The following VWC2L variants were observed in gnomAD, a reference collection of about 807,000 sequenced individuals.
VWC2L encodes von Willebrand factor C domain containing 2 like, also known as von Willebrand factor C domain-containing protein 2-like.
VWC2L carries 10 observed loss-of-function variants against 21.6 expected under a neutral mutation model. The ratio of observed to expected loss-of-function variants is 0.46; its 90% CI spans 0.29 to 0.78. VWC2L has a LOEUF of 0.78. VWC2L is among the 30% of genes least tolerant of loss of function. The pLI, the probability that VWC2L is intolerant of heterozygous loss-of-function variation, is 0.10. For missense variants in VWC2L, 209 were observed against 277.1 expected, an observed-to-expected ratio of 0.75 and a Z score of 1.74; for synonymous variants, 96 against 94.3, an observed-to-expected ratio of 1.02 and a Z score of -0.10.
chr2:214,572,748 T>C (rs966811710), intron 3 of VWC2L, among the ~76,000 whole-genome samples: 8 of 152,210 alleles, frequency 5.3e-5, no homozygotes, highest in Non-Finnish European at 1.5e-5. Flanking sequence ...TTGAGACTTC[T>C]GTAGTTACAC....
intron 3 of VWC2L, among the ~76,000 whole-genome samples, chr2:214,465,042 C>G (rs1484559496): frequency 1.3e-5 from 2 of 152,018 alleles, no homozygotes; most frequent in Non-Finnish European, 2.9e-5. Flanking sequence ...CAATGGGCTC[C>G]CCGCTGTCCC....
intron 3 of VWC2L, among the ~76,000 whole-genome samples, chr2:214,509,486 T>C (rs1164412710): frequency 6.6e-6 from 1 of 151,586 alleles, no homozygotes; most frequent in Admixed American, 6.6e-5. Context: ...AATGTGTTCG[T>C]TGATGATATT....
chr2:214,531,799 G>A (rs1384458605), intron 3 of VWC2L, among the ~76,000 whole-genome samples: 5 of 152,098 alleles, frequency 3.3e-5, no homozygotes, highest in African/African-American at 4.8e-5. Flanking sequence ...GAATGCTTGC[G>A]TTTCAGGTTT....
chr2:214,454,476 GTT>G (rs536544758), intron 3 of VWC2L, among the ~76,000 whole-genome samples: 1 of 138,232 alleles, frequency 7.2e-6, no homozygotes. Context: ...TTTTGTGTGG[GTT>G]TTTTTTTTTA....
chr2:214,521,647 G>A (rs1253060536), intron 3 of VWC2L, among the ~76,000 whole-genome samples: 1 of 152,214 alleles, frequency 6.6e-6, no homozygotes, highest in Admixed American at 6.5e-5. Flanking sequence ...GGAGGTAAAT[G>A]TGAGGTTCTC....
At chr2:214,479,247 A>G (rs1221537338) in intron 3 of VWC2L, among the ~76,000 whole-genome samples, 1 of 152,208 alleles carries the variant, frequency 6.6e-6, no homozygotes, top group African/African-American at 2.4e-5. Context: ...AATATCTTTT[A>G]CAGGTATATT....
chr2:214,440,169 T>C (rs1702742785), intron 3 of VWC2L, among the ~76,000 whole-genome samples: 1 of 151,878 alleles, frequency 6.6e-6, no homozygotes, highest in African/African-American at 2.4e-5. Flanking sequence ...CGATTTAGCC[T>C]GAATAAAATA....
intron 3 of VWC2L, among the ~76,000 whole-genome samples, chr2:214,465,686 C>T (rs181268832): frequency 6.6e-6 from 1 of 152,282 alleles, no homozygotes; most frequent in East Asian, 1.9e-4. Context: ...AGCACCAGCA[C>T]TTGCCCAGGA....
chr2:214,553,638 T>C (rs1279704405), intron 3 of VWC2L, among the ~76,000 whole-genome samples: 2 of 152,182 alleles, frequency 1.3e-5, no homozygotes, highest in African/African-American at 4.8e-5. Flanking sequence ...TTGATCAGAC[T>C]TAAAGAACAT....
At chr2:214,540,861 G>C (rs1689616183) in intron 3 of VWC2L, among the ~76,000 whole-genome samples, 1 of 152,170 alleles carries the variant, frequency 6.6e-6, no homozygotes, top group African/African-American at 2.4e-5. Context: ...TCTTTCATCA[G>C]TGACAGAGTC....
chr2:214,480,121 G>A (rs1039492811), intron 3 of VWC2L, among the ~76,000 whole-genome samples: 9 of 152,084 alleles, frequency 5.9e-5, no homozygotes, highest in South Asian at 2.1e-4. Flanking sequence ...CAAATATTAC[G>A]TATACCATTT....
intron 2 of VWC2L, among the ~76,000 whole-genome samples, chr2:214,433,883 G>T (rs181487340): frequency 2.0e-5 from 3 of 152,100 alleles, no homozygotes; most frequent in African/African-American, 7.2e-5. Flanking sequence ...AAGTCAATGG[G>T]TTACATTTGA....
chr2:214,556,663 G>T (rs6435831), intron 3 of VWC2L, among the ~76,000 whole-genome samples: 150,752 of 152,312 alleles, frequency 0.99, 74,627 homozygotes, highest in East Asian at 1. Flanking sequence ...TTATGCACAC[G>T]CTAATTCTGT....
At position 214,414,343 on chromosome 2, in the gene VWC2L, G is replaced by A; in HGVS notation, c.150G>A (p.Gly50=). Residue 50 remains glycine (G), a synonymous_variant, in exon 2 of 4, where the codon GGG becomes GGA. Coordinates refer to ENST00000312504, the MANE Select transcript of VWC2L (RefSeq NM_001080500.4). ...ATCTGATCTTTGATGACTATCGAGGGAAAGGGTGTGTCGATGACAGCGGCT... is the reference window on the plus strand; with the variant it reads ...ATCTGATCTTTGATGACTATCGAGGAAAAGGGTGTGTCGATGACAGCGGCT... The part of the protein sequence containing the change: ...NDNLIFDDYR[G]KGCVDDSGFV... 1 of 1,613,878 alleles carries A rather than the reference G, an allele frequency of 6.2e-7. No homozygotes were observed. The highest frequency in any genetic ancestry group is 8.5e-7 in the Non-Finnish European group (1 of 1,179,834).
At chr2:214,564,951 TC>T (rs1246437122) in intron 3 of VWC2L, among the ~76,000 whole-genome samples, 1 of 152,190 alleles carries the variant, frequency 6.6e-6, no homozygotes, top group South Asian at 2.1e-4. Context: ...TTCTTTGTTT[TC>T]CTTCCATCCT....
At chr2:214,415,365 T>A (rs923733115) in intron 2 of VWC2L, among the ~76,000 whole-genome samples, 4 of 152,178 alleles carry the variant, frequency 2.6e-5, no homozygotes, top group Admixed American at 2.6e-4. Flanking sequence ...CCTGAAGGTA[T>A]GAATACATGA....
chr2:214,490,280 G>A (rs1574593995), intron 3 of VWC2L, among the ~76,000 whole-genome samples: 1 of 151,816 alleles, frequency 6.6e-6, no homozygotes, highest in African/African-American at 2.4e-5. Flanking sequence ...ATAACTACTA[G>A]CCCCAAGTGC....
chr2:214,444,096 G>A (rs6729204), intron 3 of VWC2L, among the ~76,000 whole-genome samples: 98,503 of 151,876 alleles, frequency 0.65, 33,703 homozygotes, highest in African/African-American at 0.87. Flanking sequence ...TGATGCAGAG[G>A]TATCAATAAA....
rs544965928 is a variant in VWC2L, at chr2:214,459,727, G to A, written c.520+22969G>A. On this transcript the variant is annotated intron_variant, in intron 3 of 3. Coordinates refer to ENST00000312504, the MANE Select transcript of VWC2L (RefSeq NM_001080500.4). ...TCCTTCATTTATGAATAACTTTGCT[G>A]GGTATAGGATTCTTCATTGCTAGTT... is the stretch of plus-strand genomic sequence containing the variant. Among the ~76,000 whole-genome samples, 4 of 152,098 alleles carry A rather than the reference G, an allele frequency of 2.6e-5. No individual in the cohort carries two copies. The East Asian group carries it at 7.7e-4, about 29-fold the overall frequency.
Sources: allele counts gnomAD v4.1 joint callset (sites outside exome capture counted in the v4.1 genomes callset), GRCh38; gene constraint gnomAD v4.1.1; transcripts MANE v1.5; gene names NCBI Gene and HGNC (gene_info 2026-07-23, HGNC 2026-07-21).